ATP6V1C1: variants seen among roughly 807,000 people sequenced by gnomAD.
ATP6V1C1 encodes the protein V-type proton ATPase subunit C 1.
A neutral mutation model predicts 53.9 loss-of-function variants in ATP6V1C1; 45 were observed. That is an observed-to-expected ratio of 0.83 (90% CI 0.66 to 1.07). ATP6V1C1 has a LOEUF of 1.07. Among genes scored for constraint, ATP6V1C1 ranks in the 50% least tolerant of loss-of-function variants. The pLI, the probability that ATP6V1C1 is intolerant of heterozygous loss-of-function variation, is 0.00. For synonymous variants in ATP6V1C1, 153 were observed against 155.2 expected (o/e 0.99, Z 0.11); for missense variants, 315 against 440.3 (o/e 0.72, Z 2.55).
intron 3 of ATP6V1C1, among the ~76,000 whole-genome samples, chr8:103,047,488 C>T (rs1817126310): frequency 6.9e-6 from 1 of 144,058 alleles, no homozygotes. Flanking sequence ...GAAAAAAAAC[C>T]ATTACAGGAA....
At chr8:103,048,774 T>C (rs1465458686) in intron 3 of ATP6V1C1, 96 bp from the exon 4 acceptor site, 11 of 1,002,962 alleles carry the variant, frequency 1.1e-5, no homozygotes, top group East Asian at 2.5e-5. Context: ...TGGGAACATA[T>C]AGTCAAATTC....
chr8:103,059,511 C>T (rs558560182), intron 8 of ATP6V1C1, among the ~76,000 whole-genome samples: 37 of 152,026 alleles, frequency 2.4e-4, no homozygotes, highest in Middle Eastern at 3.4e-3. Flanking sequence ...TTTGCCCTTG[C>T]ACCCCCCTCC....
chr8:103,036,704 C>T lies in ATP6V1C1; in HGVS notation c.-39-4094C>T, dbSNP rs188395992. On this transcript the variant is annotated intron_variant, in intron 1 of 12. Coordinates refer to ENST00000518738, the MANE Select transcript of ATP6V1C1 (RefSeq NM_001695.5). ...GTCCTCTTTCCTATTCCTTGAAATCCTTTGGAAGCCTGTTAGAAGAAAAGA... is the reference window on the plus strand; with the variant it reads ...GTCCTCTTTCCTATTCCTTGAAATCTTTTGGAAGCCTGTTAGAAGAAAAGA... 2.7e-3 allele frequency among the ~76,000 whole-genome samples: 412 copies of T among 152,098 alleles called. 1 individual carries two copies. Among genetic ancestry groups the T allele is most frequent in the African/African-American group, 9.3e-3 (387 of 41,490 alleles).
rs1481101693 is a variant in ATP6V1C1, at chr8:103,068,742, A to C, written c.1144A>C (p.Lys382Gln). The C allele has an allele frequency of 6.2e-7, 1 of 1,608,950 alleles. No homozygotes were observed. The highest frequency in any genetic ancestry group is 2.2e-5 in the East Asian group (1 of 44,588). ...YKIDCNLLEF[K>Q] is the part of the protein sequence containing the mutation. The stretch of plus-strand genomic sequence containing the variant: ...GATTGATTGCAACTTGCTGGAATTC[A>C]AGTGAAAATGGGCTCCTCCCCCGAC... Residue 382 changes from lysine (K) to glutamine (Q), a missense_variant, in exon 13 of 13, where the codon AAG (lysine) becomes CAG (glutamine). By Grantham distance (53) the Lys-to-Gln change is moderately conservative. Transcript: ENST00000518738.
At chr8:103,061,879 G>A (rs1817404967) in intron 8 of ATP6V1C1, among the ~76,000 whole-genome samples, 2 of 152,148 alleles carry the variant, frequency 1.3e-5, no homozygotes, top group South Asian at 4.1e-4. Context: ...TATACAGGAG[G>A]CACTATAGGT....
intron 4 of ATP6V1C1, among the ~76,000 whole-genome samples, chr8:103,050,640 T>C (rs951580167): frequency 2.6e-5 from 4 of 152,182 alleles, no homozygotes; most frequent in African/African-American, 9.7e-5. Context: ...CATCACATGG[T>C]TTTAACAGAC....
intron 10 of ATP6V1C1, among the ~76,000 whole-genome samples, chr8:103,063,778 G>T (rs1463060512): frequency 1.3e-5 from 2 of 152,150 alleles, no homozygotes; most frequent in Admixed American, 6.5e-5. Context: ...CCATCTTCAA[G>T]TGTGGGATTA....
chr8:103,038,376 C>T (rs1226363982), intron 1 of ATP6V1C1, among the ~76,000 whole-genome samples: 2 of 152,152 alleles, frequency 1.3e-5, no homozygotes, highest in African/African-American at 4.8e-5. Flanking sequence ...TTTTGTTGGT[C>T]AAACCAAGTC....
intron 3 of ATP6V1C1, among the ~76,000 whole-genome samples, chr8:103,045,936 G>A (rs550169616): frequency 3.4e-5 from 5 of 147,710 alleles, no homozygotes; most frequent in South Asian, 2.1e-4. Context: ...GCGTGACTCC[G>A]TTTCAAAAAA....
At chr8:103,055,564 C>T (rs1255387594) in intron 7 of ATP6V1C1, among the ~76,000 whole-genome samples, 1 of 152,108 alleles carries the variant, frequency 6.6e-6, no homozygotes, top group Non-Finnish European at 1.5e-5. Flanking sequence ...TACATATGAA[C>T]TATGCAGCTT....
intron 8 of ATP6V1C1, among the ~76,000 whole-genome samples, chr8:103,058,869 G>A (rs1817338268): frequency 6.6e-6 from 1 of 152,176 alleles, no homozygotes; most frequent in South Asian, 2.1e-4. Context: ...TAAATGCCAT[G>A]CCAAGGCTGT....
Position 103,040,810 on chromosome 8 carries a change from T to G in ATP6V1C1, c.-27T>G, listed in dbSNP as rs1258829314. 3 of 1,597,252 alleles carry G rather than the reference T, an allele frequency of 1.9e-6. No homozygotes were observed. The highest frequency in any genetic ancestry group is 2.7e-5 in the African/African-American group (2 of 73,982). ...TTTTACATTTCAGAATCTCTCTTGA[T>G]TTTTGAGGAAATACCTAGTAACAAA... On this transcript the variant is annotated 5_prime_UTR_variant, in exon 2 of 13. Coordinates refer to ENST00000518738, the MANE Select transcript of ATP6V1C1 (RefSeq NM_001695.5).
At position 103,026,768 on chromosome 8, in the gene ATP6V1C1, G is replaced by A. The variant is rs573306103; in HGVS notation, c.-40+5543G>A. Among the ~76,000 whole-genome samples, 296 of 152,262 alleles carry A rather than the reference G, an allele frequency of 1.9e-3. 5 individuals carry two copies. The highest frequency in any genetic ancestry group is 6.0e-4 in the Non-Finnish European group (41 of 68,006). ...GCAGAAGTTACAGTGAGCCGAGATC[G>A]CGCCAGTGCACTCCAGCCTGGGCAA... is the stretch of plus-strand genomic sequence containing the variant. On this transcript the variant is annotated intron_variant, in intron 1 of 12. Coordinates refer to ENST00000518738, the MANE Select transcript of ATP6V1C1 (RefSeq NM_001695.5).
chr8:103,055,443 A>C (rs929085372), intron 7 of ATP6V1C1, among the ~76,000 whole-genome samples: 1 of 152,114 alleles, frequency 6.6e-6, no homozygotes, highest in Non-Finnish European at 1.5e-5. Context: ...TTACTACCTC[A>C]TGGTACTCTG....
At chr8:103,066,146 T>C (rs1817485613) in intron 11 of ATP6V1C1, among the ~76,000 whole-genome samples, 175 bp from the exon 12 acceptor site, 1 of 152,188 alleles carries the variant, frequency 6.6e-6, no homozygotes, top group East Asian at 1.9e-4. Context: ...TATATTGAAG[T>C]TTTTTGTGTA....
chr8:103,027,027 C>T (rs904635863), intron 1 of ATP6V1C1, among the ~76,000 whole-genome samples: 1 of 152,074 alleles, frequency 6.6e-6, no homozygotes, highest in Non-Finnish European at 1.5e-5. Context: ...GTTATTTTTA[C>T]TTTTTATATG....
At chr8:103,040,236 A>G (rs551671329) in intron 1 of ATP6V1C1, among the ~76,000 whole-genome samples, 1 of 85,154 alleles carries the variant, frequency 1.2e-5, no homozygotes, top group East Asian at 3.5e-4. Flanking sequence ...TAACATGGCA[A>G]AAACCTGTCT....
At chr8:103,054,434 G>T (rs1817252924) in intron 7 of ATP6V1C1, among the ~76,000 whole-genome samples, 1 of 152,026 alleles carries the variant, frequency 6.6e-6, no homozygotes, top group Admixed American at 6.6e-5. Flanking sequence ...AGTATTGTAG[G>T]CTTTGTAAAC....
intron 12 of ATP6V1C1, among the ~76,000 whole-genome samples, chr8:103,067,587 T>C (rs1346748863): frequency 6.6e-6 from 1 of 150,894 alleles, no homozygotes; most frequent in Non-Finnish European, 1.5e-5. Flanking sequence ...TGCTACACTT[T>C]TTTTCTTTTT....
Sources: allele counts gnomAD v4.1 joint callset (sites outside exome capture counted in the v4.1 genomes callset), GRCh38; gene constraint gnomAD v4.1.1; transcripts MANE v1.5; gene names NCBI Gene and HGNC (gene_info 2026-07-23, HGNC 2026-07-21).